TAFA2: variants seen among roughly 807,000 people sequenced by gnomAD.
TAFA2 encodes the protein TAFA chemokine like family member 2, also known as chemokine-like protein TAFA-2.
In TAFA2, 7 loss-of-function variants were observed where a neutral mutation model predicts 18.8. The observed-to-expected ratio is 0.37, with a 90% CI of 0.21 to 0.70. The LOEUF is 0.70. Ranked by LOEUF, TAFA2 falls within the 30% of genes least tolerant of loss-of-function variation. The pLI, the probability that TAFA2 is intolerant of heterozygous loss-of-function variation, is 0.53. For synonymous variants in TAFA2, 60 were observed against 54.2 expected (o/e 1.11, Z -0.47); for missense variants, 122 against 158.1 (o/e 0.77, Z 1.23).
intron 1 of TAFA2, among the ~76,000 whole-genome samples, chr12:62,256,792 T>G (rs2062941268): frequency 6.6e-6 from 1 of 152,194 alleles, no homozygotes; most frequent in Admixed American, 6.5e-5. Flanking sequence ...TATCCCAAGT[T>G]TCAAAATATC....
Position 62,186,041 on chromosome 12 carries a change from A to T in TAFA2, c.-2+5218T>A, listed in dbSNP as rs1014197224. 1.1e-3 allele frequency among the ~76,000 whole-genome samples: 171 copies of T among 152,330 alleles called. 5 individuals are homozygous for T. Among genetic ancestry groups the T allele is most frequent in the Admixed American group, 2.6e-4 (4 of 15,302 alleles). On this transcript the variant is annotated intron_variant, in intron 1 of 4. Transcript: ENST00000416284. Reference sequence around the variant, plus strand: ...GGTTTGAAAACTTTAATTCCAAAGCACAAATGCACCTTTACAAAAATCTTC... The same window carrying T: ...GGTTTGAAAACTTTAATTCCAAAGCTCAAATGCACCTTTACAAAAATCTTC...
intron 1 of TAFA2, among the ~76,000 whole-genome samples, chr12:61,990,337 A>ATTTTTTTTTTTT (rs71083969): frequency 9.2e-6 from 1 of 108,228 alleles, no homozygotes; most frequent in Non-Finnish European, 1.7e-5. Flanking sequence ...CACTGTGCCA[A>ATTTTTTTTTTTT]TTTTTTTTTT....
chr12:61,824,750 G>A (rs1415485582), intron 2 of TAFA2, among the ~76,000 whole-genome samples: 7 of 152,094 alleles, frequency 4.6e-5, no homozygotes, highest in Non-Finnish European at 4.4e-5. Context: ...ATGTACTCCT[G>A]TTTTATAAAA....
chr12:61,748,284 G>A (rs761495916), intron 4 of TAFA2, among the ~76,000 whole-genome samples: 6 of 152,120 alleles, frequency 3.9e-5, no homozygotes, highest in African/African-American at 1.4e-4. Context: ...ATTTCTTACT[G>A]TGAGTTGCAT....
intron 1 of TAFA2, among the ~76,000 whole-genome samples, chr12:62,080,969 C>G (rs768279387): frequency 6.6e-6 from 1 of 152,092 alleles, no homozygotes; most frequent in Non-Finnish European, 1.5e-5. Flanking sequence ...CCAAGGCGGG[C>G]GGATCACGAG....
At chr12:61,823,020 A>G (rs1199655950) in intron 2 of TAFA2, among the ~76,000 whole-genome samples, 1 of 151,964 alleles carries the variant, frequency 6.6e-6, no homozygotes, top group Non-Finnish European at 1.5e-5. Context: ...CAAACATAGG[A>G]AATACTCTTT....
intron 1 of TAFA2, among the ~76,000 whole-genome samples, chr12:61,911,675 T>C (rs1442037044): frequency 6.6e-6 from 1 of 152,060 alleles, no homozygotes; most frequent in Non-Finnish European, 1.5e-5. Flanking sequence ...CCAGGTTTGG[T>C]ACCAGAGAAG....
At chr12:61,933,242 C>A (rs1156331597) in intron 1 of TAFA2, among the ~76,000 whole-genome samples, 1 of 152,156 alleles carries the variant, frequency 6.6e-6, no homozygotes, top group Non-Finnish European at 1.5e-5. Flanking sequence ...TCAGACTGAG[C>A]TCAAATCCTA....
At chr12:61,841,924 G>T (rs1873200979) in intron 2 of TAFA2, among the ~76,000 whole-genome samples, 1 of 151,928 alleles carries the variant, frequency 6.6e-6, no homozygotes, top group Non-Finnish European at 1.5e-5. Context: ...TATTCAAATT[G>T]GTCAAGAAAG....
At chr12:62,139,603 G>C (rs958428884) in intron 1 of TAFA2, among the ~76,000 whole-genome samples, 1 of 152,138 alleles carries the variant, frequency 6.6e-6, no homozygotes, top group African/African-American at 2.4e-5. Flanking sequence ...GCCAACATCT[G>C]CACCAGAGAA....
chr12:62,257,023 A>C (rs567336556), intron 1 of TAFA2, among the ~76,000 whole-genome samples: 1 of 152,042 alleles, frequency 6.6e-6, no homozygotes, highest in Admixed American at 6.5e-5. Context: ...GAGAAGGAAA[A>C]ACTGAGACAG....
At chr12:61,715,762 AT>A (rs1157051020) in intron 4 of TAFA2, among the ~76,000 whole-genome samples, 38 of 142,600 alleles carry the variant, frequency 2.7e-4, no homozygotes, top group African/African-American at 9.4e-4. Flanking sequence ...AAAAAAAAAA[AT>A]TAAAAATTAG....
At chr12:61,772,157 C>A (rs944384670) in intron 2 of TAFA2, among the ~76,000 whole-genome samples, 1 of 151,720 alleles carries the variant, frequency 6.6e-6, no homozygotes, top group Admixed American at 6.6e-5. Flanking sequence ...TGAAAATATG[C>A]AACCCTCTAG....
chr12:61,886,188 C>T (rs571099091), intron 1 of TAFA2, among the ~76,000 whole-genome samples: 26 of 152,210 alleles, frequency 1.7e-4, no homozygotes, highest in African/African-American at 6.0e-4. Flanking sequence ...AGGTTCATAC[C>T]TAAAATTCAG....
chr12:62,131,851 G>A (rs1251138743), intron 1 of TAFA2, among the ~76,000 whole-genome samples: 3 of 151,654 alleles, frequency 2.0e-5, no homozygotes, highest in African/African-American at 4.8e-5. Flanking sequence ...TTTTTTATTT[G>A]CTGTATTCCA....
At position 61,990,958 on chromosome 12, in the gene TAFA2, A is replaced by G. The variant is rs552981699; in HGVS notation, c.-1-123532T>C. On this transcript the variant is annotated intron_variant, in intron 1 of 4. Coordinates refer to ENST00000416284, the MANE Select transcript of TAFA2 (RefSeq NM_178539.5). ...GAATGAATGGAAATGGAGAAGCAGA[A>G]TATTTAGGTGAGGAAAATAGTGACC... 2.6e-5 allele frequency among the ~76,000 whole-genome samples: 4 copies of G among 152,358 alleles called. No individual in the cohort carries two copies. The South Asian group carries it at 8.3e-4, about 32-fold the overall frequency.
chr12:61,736,899 A>C (rs201496634), intron 4 of TAFA2, among the ~76,000 whole-genome samples: 1 of 152,106 alleles, frequency 6.6e-6, no homozygotes, highest in East Asian at 1.9e-4. Context: ...AAATCACATC[A>C]AGTTGCTAAT....
At chr12:61,894,673 T>C (rs190453623) in intron 1 of TAFA2, among the ~76,000 whole-genome samples, 2 of 152,184 alleles carry the variant, frequency 1.3e-5, no homozygotes, top group African/African-American at 4.8e-5. Context: ...AACAAAAGAG[T>C]GATAGTGTGG....
intron 2 of TAFA2, among the ~76,000 whole-genome samples, chr12:61,795,318 T>G (rs1871147285): frequency 6.6e-6 from 1 of 152,122 alleles, no homozygotes; most frequent in Admixed American, 6.6e-5. Flanking sequence ...TAGCTAAGAC[T>G]TGGAACCAAC....
Sources: allele counts gnomAD v4.1 joint callset (sites outside exome capture counted in the v4.1 genomes callset), GRCh38; gene constraint gnomAD v4.1.1; transcripts MANE v1.5; gene names NCBI Gene and HGNC (gene_info 2026-07-23, HGNC 2026-07-21).